The following MYH9 variants were observed in gnomAD, a reference collection of about 807,000 sequenced individuals.
MYH9 encodes the protein myosin heavy chain 9.
A neutral mutation model predicts 241.9 loss-of-function variants in MYH9; 29 were observed. The ratio of observed to expected loss-of-function variants is 0.12; its 90% CI spans 0.09 to 0.16. The LOEUF is 0.16. Ranked by LOEUF, MYH9 falls within the 10% of genes least tolerant of loss-of-function variation. The pLI, the probability that MYH9 is intolerant of heterozygous loss-of-function variation, is 1.00. For synonymous variants in MYH9, 1,047 were observed against 1,062.6 expected (o/e 0.99, Z 0.29); for missense variants, 1,803 against 2,595.5 (o/e 0.69, Z 6.63).
Position 36,336,045 on chromosome 22 carries a change from C to T in MYH9, c.490+5325G>A, listed in dbSNP as rs567572870. Among the ~76,000 whole-genome samples, 32 of 152,266 alleles carry T rather than the reference C, an allele frequency of 2.1e-4. No individual in the cohort carries two copies. In the East Asian group the frequency reaches 2.3e-3, roughly 11 times the overall value. ...GCAGCTTCCCTTGGGAACCAGGGAT[C>T]GGGTGGGAAGGGAGACTGGCACAGA... On this transcript the variant is annotated intron_variant, in intron 3 of 40. Transcript: ENST00000216181.
rs1218589379 is a variant in MYH9, at chr22:36,295,730, C to A, written c.3273-13G>T. ...TTCCTCTTCCACTCTGCCAAAGCGA[C>A]CAGCAACATCAGTATAAGGAGAGTT... On this transcript the variant is annotated splice_polypyrimidine_tract_variant and intron_variant, in intron 25 of 40. Coordinates refer to ENST00000216181, the MANE Select transcript of MYH9 (RefSeq NM_002473.6). This position sits in a 1 kb window ranked among gnomAD's most constrained non-coding sequence, Gnocchi z 4.1. 1.2e-6 allele frequency: 2 copies of A among 1,608,974 alleles called. No individual in the cohort carries two copies. Among genetic ancestry groups the A allele is most frequent in the Admixed American group, 1.7e-5 (1 of 59,716 alleles).
chr22:36,307,176 G>A (rs373443914), intron 15 of MYH9, among the ~76,000 whole-genome samples: 1 of 152,200 alleles, frequency 6.6e-6, no homozygotes, highest in South Asian at 2.1e-4. Flanking sequence ...GGAAGGGAGA[G>A]CTCCAAAGAA....
At chr22:36,326,927 T>C (rs191492504) in intron 4 of MYH9, among the ~76,000 whole-genome samples, 130 of 152,344 alleles carry the variant, frequency 8.5e-4, no homozygotes, top group Non-Finnish European at 1.5e-4. Flanking sequence ...CACATCCAAG[T>C]GTTTTAAAAA....
At chr22:36,338,157 C>T (rs1371161052) in intron 3 of MYH9, among the ~76,000 whole-genome samples, 2 of 151,994 alleles carry the variant, frequency 1.3e-5, no homozygotes, top group East Asian at 3.9e-4. Flanking sequence ...GCCACAATGC[C>T]TGGCTAATTT....
chr22:36,355,735 C>T (rs1459503054), intron 1 of MYH9, among the ~76,000 whole-genome samples: 2 of 152,116 alleles, frequency 1.3e-5, no homozygotes, highest in African/African-American at 4.8e-5. Context: ...AGGCACAAAA[C>T]CTAGGGTCAG....
chr22:36,333,018 A>C (rs2017447898), intron 3 of MYH9, among the ~76,000 whole-genome samples: 1 of 152,106 alleles, frequency 6.6e-6, no homozygotes, highest in Admixed American at 6.5e-5. Flanking sequence ...CCTTGCGAAA[A>C]GGAAAGACAA....
At chr22:36,342,121 T>G (rs2017600319) in intron 2 of MYH9, among the ~76,000 whole-genome samples, 1 of 152,238 alleles carries the variant, frequency 6.6e-6, no homozygotes, top group Admixed American at 6.5e-5. Context: ...TCAAACACTT[T>G]AAGACTATTT....
intron 13 of MYH9, among the ~76,000 whole-genome samples, chr22:36,312,593 C>T (rs1267058416): frequency 1.3e-5 from 2 of 152,162 alleles, no homozygotes; most frequent in African/African-American, 4.8e-5. Flanking sequence ...ACGGGAGATG[C>T]CAACCCACAT....
At chr22:36,289,365 A>G in intron 31 of MYH9, 68 bp from the exon 32 acceptor site, 1 of 1,470,172 alleles carries the variant, frequency 6.8e-7, no homozygotes, top group East Asian at 2.4e-5. Flanking sequence ...AGCTGGGCCT[A>G]AGCTCCCTGG....
chr22:36,325,171 A>G, intron 5 of MYH9: 1 of 737,804 alleles, frequency 1.4e-6, no homozygotes. Context: ...AGGGATGGAG[A>G]GAGAGAGAGA....
rs142959186 is a variant in MYH9, at chr22:36,305,139, T to C, written c.2160-37A>G. 3 of 1,540,576 alleles carry C rather than the reference T, an allele frequency of 1.9e-6. No homozygotes were observed. Among genetic ancestry groups the C allele is most frequent in the Admixed American group, 1.7e-5 (1 of 59,876 alleles). ...AAGAGAAGCCTGGTCATTTTACCCA[T>C]TGCCTCGATTCCACATGCCTGGAAT... On this transcript the variant is annotated intron_variant, in intron 17 of 40. Coordinates refer to ENST00000216181, the MANE Select transcript of MYH9 (RefSeq NM_002473.6). This position sits in a 1 kb window ranked among gnomAD's most constrained non-coding sequence, Gnocchi z 4.7.
intron 2 of MYH9, among the ~76,000 whole-genome samples, chr22:36,343,282 T>A (rs2017617901): frequency 6.6e-6 from 1 of 152,148 alleles, no homozygotes. Flanking sequence ...CACACTGGAA[T>A]TCCAGCACTT....
chr22:36,358,914 A>G (rs1340356364), intron 1 of MYH9, among the ~76,000 whole-genome samples: 1 of 152,186 alleles, frequency 6.6e-6, no homozygotes, highest in Admixed American at 6.5e-5. Context: ...CAAGCCCTCT[A>G]GGACCCCACC....
chr22:36,345,190 T>C (rs1366325334), intron 2 of MYH9, among the ~76,000 whole-genome samples: 1 of 151,832 alleles, frequency 6.6e-6, no homozygotes, highest in East Asian at 1.9e-4. Context: ...TGGGTGCCTG[T>C]AGTCCCAGCT....
At position 36,306,174 on chromosome 22, in the gene MYH9, A is replaced by G; in HGVS notation, c.2038-123T>C. 1 of 1,502,700 alleles carries G rather than the reference A, an allele frequency of 6.7e-7. No homozygotes were observed. The highest frequency in any genetic ancestry group is 1.7e-5 in the Admixed American group (1 of 58,038). 93.1% of individuals were successfully genotyped at this position (1,502,700 alleles called of 1,614,324 possible). On this transcript the variant is annotated intron_variant, in intron 16 of 40. Transcript: ENST00000216181. The surrounding 1 kb of genome is among the most constrained non-coding windows in gnomAD (Gnocchi z 4.1). ...AAGGGAGGGGGTCGCTACAGCCCAC[A>G]GGTTTGGACAATGAAGTCAAAGGAT... is the stretch of plus-strand genomic sequence containing the variant.
In MYH9 at chr22:36,294,066, C is replaced by T. The variant is rs1209418090; in HGVS notation, c.3837+26G>A. On this transcript the variant is annotated intron_variant, in intron 28 of 40. Transcript: ENST00000216181. Reference sequence around the variant, plus strand: ...AACTGCTGCTAGGGCCCACTGCCCGCGCCAGGGTCCTGGCGGAGGCCTCAC... The same window carrying T: ...AACTGCTGCTAGGGCCCACTGCCCGTGCCAGGGTCCTGGCGGAGGCCTCAC... 5 of 1,605,214 alleles carry T rather than the reference C, an allele frequency of 3.1e-6. No homozygotes were observed. In the South Asian group the frequency reaches 3.3e-5, roughly 11 times the overall value.
chr22:36,282,871 T>A, intron 40 of MYH9, 86 bp from the exon 41 acceptor site: 1 of 1,219,070 alleles, frequency 8.2e-7, no homozygotes. Context: ...TCAAAGTGAA[T>A]TCGAGAGGGA....
At position 36,297,018 on chromosome 22, in the gene MYH9, C is replaced by A. The variant is rs2016799457; in HGVS notation, c.3101-4G>T. 1 of 1,613,590 alleles carries A rather than the reference C, an allele frequency of 6.2e-7. No homozygotes were observed. The highest frequency in any genetic ancestry group is 1.1e-5 in the South Asian group (1 of 91,088). On this transcript the variant is annotated splice_region_variant and splice_polypyrimidine_tract_variant and intron_variant, in intron 24 of 40. Transcript: ENST00000216181. ...TTCTCCTCCCTGCGGAGGCGCTCTG[C>A]AATGCAGGGGGAGCCCACATAGCCC...
At chr22:36,352,575 C>T (rs374026469) in intron 1 of MYH9, among the ~76,000 whole-genome samples, 2 of 152,176 alleles carry the variant, frequency 1.3e-5, no homozygotes, top group Admixed American at 6.5e-5. Context: ...CACCAGCTGG[C>T]GGGGAGGAAT....
Sources: gnomAD v4.1 joint callset for allele counts (sites outside exome capture counted in the v4.1 genomes callset) on GRCh38, gnomAD v4.1.1 for gene constraint, Gnocchi (gnomAD v3.1) non-coding constraint, MANE v1.5 for transcripts, NCBI Gene and HGNC (gene_info 2026-07-23, HGNC 2026-07-21) for gene names.